Variants in MLLT1 observed in about 807,000 individuals in gnomAD.
MLLT1 encodes MLLT1 super elongation complex subunit.
In MLLT1, 11 loss-of-function variants were observed where a neutral mutation model predicts 55.1. The observed-to-expected ratio is 0.20, with a 90% confidence interval of 0.13 to 0.33. MLLT1 has a LOEUF of 0.33. Ranked by LOEUF, MLLT1 falls within the 10% of genes least tolerant of loss-of-function variation. MLLT1 has a pLI of 1.00. For missense variants in MLLT1, 536 were observed against 760.6 expected, an observed-to-expected ratio of 0.70 and a Z score of 3.47; for synonymous variants, 323 against 320.1, an observed-to-expected ratio of 1.01 and a Z score of -0.10.
chr19:6,211,757 C>A lies in MLLT1; in HGVS notation c.*1285G>T. The A allele has an allele frequency of 9.4e-7, 1 of 1,063,844 alleles. No individual in the cohort carries two copies. The highest frequency in any genetic ancestry group is 4.6e-5 in the South Asian group (1 of 21,962). 65.9% of individuals were successfully genotyped at this position (1,063,844 alleles called of 1,614,324 possible). A position where few individuals can be genotyped will look rare whatever the true frequency, so the allele number is the denominator to read the frequency against. On this transcript the variant is annotated 3_prime_UTR_variant, in exon 12 of 12. Transcript: ENST00000252674. The surrounding 1 kb of genome is among the most constrained non-coding windows in gnomAD (Gnocchi z 4.6). ...CTCCAGCCCCTGGGACCCCCAGCCA[C>A]GATGGGCTGGCTCCGCGGGAGCGTC...
chr19:6,268,161 G>A (rs2091364340), intron 2 of MLLT1, among the ~76,000 whole-genome samples: 1 of 152,238 alleles, frequency 6.6e-6, no homozygotes, highest in African/African-American at 2.4e-5. Flanking sequence ...ATTGAGCCCA[G>A]GCAGCCAGAG....
rs755478487 is a variant in MLLT1 at position 6,219,750 on chromosome 19, C to G, written c.1111-1709G>C. ...CACTAAAGGTGGAGAGGGGGCAGTT[C>G]AGGCGGCCAAAGGAGGCTGCACAAG... On this transcript the variant is annotated intron_variant, in intron 6 of 11. Coordinates refer to ENST00000252674, the MANE Select transcript of MLLT1 (RefSeq NM_005934.4). This position sits in a 1 kb window ranked among gnomAD's most constrained non-coding sequence, Gnocchi z 4.5. Among the ~76,000 whole-genome samples, 1 of 152,202 alleles carries G rather than the reference C, an allele frequency of 6.6e-6. No homozygotes were observed. Among genetic ancestry groups the G allele is most frequent in the South Asian group, 2.1e-4 (1 of 4,832 alleles).
intron 3 of MLLT1, among the ~76,000 whole-genome samples, chr19:6,254,794 A>G (rs1401499291): frequency 6.6e-6 from 1 of 152,236 alleles, no homozygotes; most frequent in Non-Finnish European, 1.5e-5. Flanking sequence ...TGAGATCAGG[A>G]ACCACGCGGG....
In MLLT1 at chr19:6,243,496, C is replaced by T. The variant is rs2091135384; in HGVS notation, c.277-12783G>A. The stretch of plus-strand genomic sequence containing the variant: ...TCATGGGACAGGCGTGGGACAGGCA[C>T]CTGGCTGGGGCTTCTGAAGCCACGG... On this transcript the variant is annotated intron_variant, in intron 3 of 11. Transcript: ENST00000252674. Among the ~76,000 whole-genome samples the T allele has an allele frequency of 1.3e-5, 2 of 152,336 alleles. 1 individual carries two copies. Among genetic ancestry groups the T allele is most frequent in the Middle Eastern group, 6.8e-3 (2 of 294 alleles).
chr19:6,242,713 A>G (rs907142436), intron 3 of MLLT1, among the ~76,000 whole-genome samples: 2 of 152,052 alleles, frequency 1.3e-5, no homozygotes, highest in Non-Finnish European at 2.9e-5. Flanking sequence ...GGCAAGTTTT[A>G]CCGCCCCAAA....
At chr19:6,259,799 T>TAAAAAAAAAAAAAAAAAAAAA (rs60832951) in intron 3 of MLLT1, 29 of 70,128 alleles carry the variant, frequency 4.1e-4, no homozygotes, top group African/African-American at 1.5e-3. Flanking sequence ...AAACATGACT[T>TAAAAAAAAAAAAAAAAAAAAA]AAAAAAAAAA....
intron 3 of MLLT1, among the ~76,000 whole-genome samples, chr19:6,261,268 C>T (rs978049167): frequency 2.0e-5 from 3 of 152,216 alleles, no homozygotes; most frequent in African/African-American, 7.2e-5. Context: ...CTGGACCCCG[C>T]GCGAGGCCTT....
In MLLT1 at chr19:6,270,881, G is replaced by A; in HGVS notation, c.13-122C>T. ...CAGTGCAATACGCTCTCAACCCAGTGAGCAGCACACAGACGGCTTCCTATC... is the reference window on the plus strand; with the variant it reads ...CAGTGCAATACGCTCTCAACCCAGTAAGCAGCACACAGACGGCTTCCTATC... On this transcript the variant is annotated intron_variant, in intron 1 of 11. Coordinates refer to ENST00000252674, the MANE Select transcript of MLLT1 (RefSeq NM_005934.4). This position sits in a 1 kb window ranked among gnomAD's most constrained non-coding sequence, Gnocchi z 7.1. The A allele has an allele frequency of 5.3e-6, 5 of 939,418 alleles. No homozygotes were observed. Among genetic ancestry groups the A allele is most frequent in the Non-Finnish European group, 7.7e-6 (5 of 647,512 alleles). 58.2% of individuals were successfully genotyped at this position (939,418 alleles called of 1,614,324 possible).
intron 3 of MLLT1, among the ~76,000 whole-genome samples, chr19:6,234,944 G>A (rs2091046047): frequency 6.6e-6 from 1 of 151,712 alleles, no homozygotes; most frequent in African/African-American, 2.4e-5. Context: ...CATATTGAGA[G>A]ACTAAGGGAT....
In MLLT1 at chr19:6,252,425, A is replaced by G. The variant is rs147177466; in HGVS notation, c.276+9803T>C. 1.2e-3 allele frequency among the ~76,000 whole-genome samples: 185 copies of G among 152,336 alleles called. 2 individuals are homozygous for G. The East Asian group carries it at 0.021, about 18-fold the overall frequency. On this transcript the variant is annotated intron_variant, in intron 3 of 11. Transcript: ENST00000252674. The stretch of plus-strand genomic sequence containing the variant: ...AGTTCCCTCTCGTATCTGGGTATCT[A>G]TCTATCTGTCTCTCCTATTGATTTT...
In MLLT1 at chr19:6,231,919, G is replaced by A. The variant is rs565539941; in HGVS notation, c.277-1206C>T. Reference sequence around the variant, plus strand: ...ACTATGACAAGCACGAATGTCACACGGAAGAAGGGAGGTTTTCATGGAAAC... The same window carrying A: ...ACTATGACAAGCACGAATGTCACACAGAAGAAGGGAGGTTTTCATGGAAAC... On this transcript the variant is annotated intron_variant, in intron 3 of 11. Coordinates refer to ENST00000252674, the MANE Select transcript of MLLT1 (RefSeq NM_005934.4). This position sits in a 1 kb window ranked among gnomAD's most constrained non-coding sequence, Gnocchi z 5.1. 2.6e-4 allele frequency among the ~76,000 whole-genome samples: 39 copies of A among 152,174 alleles called. No individual in the cohort carries two copies. The South Asian group carries it at 6.7e-3, about 26-fold the overall frequency.
At chr19:6,265,278 G>T (rs10413144) in intron 2 of MLLT1, among the ~76,000 whole-genome samples, 2 of 152,148 alleles carry the variant, frequency 1.3e-5, no homozygotes, top group Admixed American at 1.3e-4. Flanking sequence ...GGATTTTTCA[G>T]ACTTTGGAAT....
At chr19:6,213,306 C>G (rs376758871) in intron 11 of MLLT1, 31 bp downstream of exon 11, 12 of 1,611,836 alleles carry the variant, frequency 7.4e-6, no homozygotes, top group Non-Finnish European at 1.0e-5. Flanking sequence ...ACCCCGACCT[C>G]TGCCGGGCAG....
chr19:6,213,439 G>A lies in MLLT1; in HGVS notation c.1480-31C>T, dbSNP rs377135114. ...GAGGGGGGGCAGGTCTCAGCAGCGT[G>A]TGGGGGCCCTGGACCCTTCCTGCTC... On this transcript the variant is annotated intron_variant, in intron 10 of 11. Transcript: ENST00000252674. 5.8e-6 allele frequency: 9 copies of A among 1,557,486 alleles called. No individual in the cohort carries two copies. In the East Asian group the frequency reaches 1.8e-4, roughly 31 times the overall value.
intron 1 of MLLT1, among the ~76,000 whole-genome samples, chr19:6,276,921 T>G (rs2091431121): frequency 6.6e-6 from 1 of 152,114 alleles, no homozygotes; most frequent in Admixed American, 6.5e-5. Flanking sequence ...AAATCCTGCT[T>G]CTTAGGGGGG....
At chr19:6,236,552 C>T (rs1326915008) in intron 3 of MLLT1, among the ~76,000 whole-genome samples, 6 of 152,158 alleles carry the variant, frequency 3.9e-5, no homozygotes, top group Admixed American at 2.6e-4. Context: ...CACCCCCTGC[C>T]GGCCAGGTAG....
Position 6,273,622 on chromosome 19 carries a change from G to C in MLLT1, c.13-2863C>G, listed in dbSNP as rs889042696. 3.9e-5 allele frequency among the ~76,000 whole-genome samples: 6 copies of C among 152,144 alleles called. No homozygotes were observed. The highest frequency in any genetic ancestry group is 1.4e-4 in the African/African-American group (6 of 41,418). On this transcript the variant is annotated intron_variant, in intron 1 of 11. Transcript: ENST00000252674. This position sits in a 1 kb window ranked among gnomAD's most constrained non-coding sequence, Gnocchi z 4.3. ...CCATGACCACCCTCTATGCTTACAC[G>C]CCTGCGCCTCTGCCTTTTTCGCTAG...
At chr19:6,267,194 T>C (rs147751947) in intron 2 of MLLT1, among the ~76,000 whole-genome samples, 2,742 of 152,000 alleles carry the variant, frequency 0.018, 41 homozygotes, top group Middle Eastern at 0.051. Flanking sequence ...CTCTGCATCC[T>C]GGGTTCAAGC....
intron 3 of MLLT1, among the ~76,000 whole-genome samples, chr19:6,236,342 G>A (rs886383222): frequency 4.6e-5 from 7 of 152,178 alleles, no homozygotes; most frequent in African/African-American, 1.7e-4. Context: ...GTGTCCCCCC[G>A]TCACAGATGA....
Sources: allele counts gnomAD v4.1 joint callset (sites outside exome capture counted in the v4.1 genomes callset), GRCh38; gene constraint gnomAD v4.1.1; non-coding constraint Gnocchi (gnomAD v3.1); transcripts MANE v1.5; gene names NCBI Gene and HGNC (gene_info 2026-07-23, HGNC 2026-07-21).